The following KALRN variants were observed in gnomAD, a reference collection of about 807,000 sequenced individuals.
The protein encoded by KALRN is kalirin.
KALRN carries 70 observed loss-of-function variants against 353.7 expected under a neutral mutation model. That is an observed-to-expected ratio of 0.20 (90% confidence interval 0.16 to 0.24). The LOEUF (loss-of-function observed/expected upper bound fraction) is 0.24, where lower values mean the gene tolerates loss of function less well. Among genes scored for constraint, KALRN ranks in the 10% least tolerant of loss-of-function variants. The pLI is 1.00. For missense variants in KALRN, 2,791 were observed against 3,756.7 expected (o/e 0.74, Z 6.72); for synonymous variants, 1,391 against 1,434.8 (o/e 0.97, Z 0.69).
chr3:124,725,246 T>C lies in KALRN; in HGVS notation c.*5776T>C, dbSNP rs1298796301. The C allele has an allele frequency of 6.6e-6, 1 of 152,210 alleles. No individual in the cohort carries two copies. Among genetic ancestry groups the C allele is most frequent in the Non-Finnish European group, 1.5e-5 (1 of 68,034 alleles). The allele number at this position is 152,210 out of a possible 1,614,324, so 9.4% of individuals were successfully genotyped here. ...TAACAAGACATACATCTTCTCTTAC[T>C]AACTTAAGCCATATCTGTCAACTCT... On this transcript the variant is annotated 3_prime_UTR_variant, in exon 60 of 60. Transcript: ENST00000682506.
At chr3:124,399,747 T>TAAC (rs2090626796) in intron 13 of KALRN, among the ~76,000 whole-genome samples, 2 of 152,200 alleles carry the variant, frequency 1.3e-5, no homozygotes, top group Non-Finnish European at 2.9e-5. Context: ...ACTCCTCAGT[T>TAAC]TATTTTTGGA....
At chr3:124,507,829 G>A (rs1366978030) in intron 33 of KALRN, among the ~76,000 whole-genome samples, 1 of 152,198 alleles carries the variant, frequency 6.6e-6, no homozygotes, top group Non-Finnish European at 1.5e-5. Context: ...CACCCAATAT[G>A]TTACATTTAA....
At chr3:124,048,847 T>G (rs1201557848) in intron 1 of KALRN, among the ~76,000 whole-genome samples, 1 of 152,222 alleles carries the variant, frequency 6.6e-6, no homozygotes, top group Non-Finnish European at 1.5e-5. Flanking sequence ...ATTAAACCAT[T>G]CTCCTAATGA....
chr3:124,113,859 G>C (rs1277436042), intron 1 of KALRN, among the ~76,000 whole-genome samples: 1 of 152,198 alleles, frequency 6.6e-6, no homozygotes, highest in East Asian at 1.9e-4. Flanking sequence ...CGTCAGCATC[G>C]ATAAATCATC....
chr3:124,322,717 A>G (rs906490569), intron 6 of KALRN, among the ~76,000 whole-genome samples: 3 of 152,018 alleles, frequency 2.0e-5, no homozygotes, highest in Non-Finnish European at 4.4e-5. Flanking sequence ...ATTTATTCAG[A>G]CTCCTAATCC....
At chr3:124,412,138 T>G (rs1043653483) in intron 13 of KALRN, among the ~76,000 whole-genome samples, 3 of 152,252 alleles carry the variant, frequency 2.0e-5, no homozygotes, top group African/African-American at 7.2e-5. Flanking sequence ...GAGGGGCTGC[T>G]TGGCTTTCCC....
At chr3:124,533,042 T>A (rs2068186979) in intron 33 of KALRN, among the ~76,000 whole-genome samples, 2 of 149,064 alleles carry the variant, frequency 1.3e-5, no homozygotes, top group South Asian at 4.2e-4. Flanking sequence ...TATACATAAT[T>A]ATTATCTATA....
intron 5 of KALRN, among the ~76,000 whole-genome samples, chr3:124,271,961 T>G (rs896825822): frequency 1.3e-5 from 2 of 152,180 alleles, no homozygotes; most frequent in African/African-American, 2.4e-5. Context: ...GGTTCCGACT[T>G]ATAAGTGGGA....
intron 1 of KALRN, among the ~76,000 whole-genome samples, chr3:124,115,527 G>C (rs1405638340): frequency 6.6e-6 from 1 of 152,192 alleles, no homozygotes; most frequent in East Asian, 1.9e-4. Flanking sequence ...AGTTGGAAGA[G>C]AGCTTCTGTT....
intron 58 of KALRN, among the ~76,000 whole-genome samples, chr3:124,716,537 A>AAAC (rs1166240023): frequency 1.3e-5 from 2 of 152,150 alleles, no homozygotes; most frequent in African/African-American, 2.4e-5. Flanking sequence ...CAAAACAAAC[A>AAAC]AACAACAACA....
Position 124,269,178 on chromosome 3 carries a change from C to T in KALRN, c.892C>T (p.His298Tyr). ...GCTGCACTCCACCCGGCAGCACCTGCACCAGATGTGGCATGTGCGCAAGCT... is the reference window on the plus strand; with the variant it reads ...GCTGCACTCCACCCGGCAGCACCTGTACCAGATGTGGCATGTGCGCAAGCT... ...DKLHSTRQHL[H>Y]QMWHVRKLKL... is the part of the protein sequence containing the mutation. Residue 298 changes from histidine (H) to tyrosine (Y), a missense_variant, in exon 5 of 60, where the codon CAC (histidine) becomes TAC (tyrosine). Coordinates refer to ENST00000682506, the MANE Select transcript of KALRN (RefSeq NM_001388419.1). 1.2e-6 allele frequency: 2 copies of T among 1,613,026 alleles called. No homozygotes were observed. Among genetic ancestry groups the T allele is most frequent in the Non-Finnish European group, 1.7e-6 (2 of 1,179,478 alleles).
At chr3:124,325,309 C>G (rs2079776923) in intron 6 of KALRN, among the ~76,000 whole-genome samples, 1 of 152,032 alleles carries the variant, frequency 6.6e-6, no homozygotes. Flanking sequence ...CTAAATCAAG[C>G]AGAGATAAGA....
At chr3:124,125,796 G>A (rs1294038488) in intron 1 of KALRN, among the ~76,000 whole-genome samples, 1 of 152,212 alleles carries the variant, frequency 6.6e-6, no homozygotes, top group African/African-American at 2.4e-5. Flanking sequence ...CTTAGGAGGA[G>A]TAAAGAGGTG....
At chr3:124,338,359 G>A (rs138836709) in intron 9 of KALRN, among the ~76,000 whole-genome samples, 2,702 of 152,250 alleles carry the variant, frequency 0.018, 47 homozygotes, top group African/African-American at 0.042. Flanking sequence ...TGGTGTCAAA[G>A]AACTTCTTTA....
At chr3:124,317,886 C>G (rs957256222) in intron 6 of KALRN, among the ~76,000 whole-genome samples, 1 of 152,138 alleles carries the variant, frequency 6.6e-6, no homozygotes, top group Non-Finnish European at 1.5e-5. Flanking sequence ...TCACTTGCCT[C>G]ACTAGGTGCC....
At chr3:124,582,932 G>A (rs1039548399) in intron 34 of KALRN, among the ~76,000 whole-genome samples, 1 of 152,106 alleles carries the variant, frequency 6.6e-6, no homozygotes, top group Non-Finnish European at 1.5e-5. Context: ...ACCAAGCACC[G>A]CTCATTTATG....
At chr3:124,233,087 G>A (rs968296404) in intron 2 of KALRN, among the ~76,000 whole-genome samples, 4 of 152,262 alleles carry the variant, frequency 2.6e-5, no homozygotes, top group African/African-American at 9.6e-5. Context: ...TAGCTTGGGA[G>A]GGGCAGTGTC....
intron 33 of KALRN, chr3:124,518,473 G>A (rs756215890): frequency 6.2e-7 from 1 of 1,614,008 alleles, no homozygotes; most frequent in African/African-American, 1.3e-5. Flanking sequence ...CGCGCATCCT[G>A]GGACTTGTCC....
At chr3:124,127,890 T>TAG (rs1443143133) in intron 1 of KALRN, among the ~76,000 whole-genome samples, 2 of 152,210 alleles carry the variant, frequency 1.3e-5, no homozygotes, top group African/African-American at 4.8e-5. Flanking sequence ...GCCAGTGTGT[T>TAG]ATACTTTTTG....
Sources: allele counts gnomAD v4.1 joint callset (sites outside exome capture counted in the v4.1 genomes callset), GRCh38; gene constraint gnomAD v4.1.1; transcripts MANE v1.5; gene names NCBI Gene and HGNC (gene_info 2026-07-23, HGNC 2026-07-21).